TTC28: variants seen among roughly 807,000 people sequenced by gnomAD.
The protein encoded by TTC28 is tetratricopeptide repeat domain 28.
TTC28 carries 61 observed loss-of-function variants against 198.0 expected under a neutral mutation model. That is an observed-to-expected ratio of 0.31 (90% CI 0.25 to 0.38). TTC28 has a LOEUF of 0.38. Among genes scored for constraint, TTC28 ranks in the 10% least tolerant of loss-of-function variants. The probability of loss-of-function intolerance (pLI) is 1.00; values close to 1 mark genes in which losing one functional copy is unlikely to be tolerated. For synonymous variants in TTC28, 1,171 were observed against 1,297.8 expected (o/e 0.90, Z 2.10); for missense variants, 2,678 against 3,164.0 (o/e 0.85, Z 3.69).
intron 2 of TTC28, among the ~76,000 whole-genome samples, chr22:28,396,142 A>G (rs1484466901): frequency 6.6e-6 from 1 of 152,240 alleles, no homozygotes; most frequent in East Asian, 1.9e-4. Context: ...AGTCTAAAAG[A>G]AAAACTTGAC....
chr22:28,519,931 C>T (rs2048867847), intron 2 of TTC28, among the ~76,000 whole-genome samples: 1 of 152,150 alleles, frequency 6.6e-6, no homozygotes, highest in African/African-American at 2.4e-5. Context: ...AAACACAACA[C>T]AATTTGTGAG....
At chr22:28,008,684 T>C (rs1938020151) in intron 14 of TTC28, 1 of 152,174 alleles carries the variant, frequency 6.6e-6, no homozygotes, top group Non-Finnish European at 1.5e-5. Context: ...AAACGTAAGG[T>C]ATTCCTTAAA....
chr22:27,993,054 G>A, intron 18 of TTC28: 1 of 580,778 alleles, frequency 1.7e-6, no homozygotes, highest in Non-Finnish European at 3.0e-6. Flanking sequence ...GGAAGGGGCA[G>A]CGCCAGTGGG....
intron 2 of TTC28, among the ~76,000 whole-genome samples, chr22:28,337,357 C>T (rs934819531): frequency 3.0e-4 from 46 of 152,096 alleles, no homozygotes; most frequent in African/African-American, 6.3e-4. Flanking sequence ...CTATTAGGTC[C>T]GCTTGGTGTA....
chr22:28,428,114 G>T (rs1278428908), intron 2 of TTC28, among the ~76,000 whole-genome samples: 1 of 147,272 alleles, frequency 6.8e-6, no homozygotes, highest in Non-Finnish European at 1.5e-5. Flanking sequence ...AAAGAACATC[G>T]TACCGTAAGA....
At chr22:28,092,433 G>A (rs988436461) in intron 12 of TTC28, among the ~76,000 whole-genome samples, 5 of 152,178 alleles carry the variant, frequency 3.3e-5, no homozygotes, top group Admixed American at 2.0e-4. Context: ...CTTGGCGACT[G>A]CATGCCCACC....
At chr22:28,674,151 G>C (rs1022496556) in intron 1 of TTC28, among the ~76,000 whole-genome samples, 1 of 151,976 alleles carries the variant, frequency 6.6e-6, no homozygotes, top group African/African-American at 2.4e-5. Flanking sequence ...TGTGGTATGA[G>C]AGACTTGTCT....
Position 27,981,159 on chromosome 22 carries a change from A to G in TTC28, c.*1062T>C, listed in dbSNP as rs959632548. On this transcript the variant is annotated 3_prime_UTR_variant, in exon 23 of 23. Coordinates refer to ENST00000397906, the MANE Select transcript of TTC28 (RefSeq NM_001145418.2). ...CCTGGAGTTGGGAAAAGGGAATAAA[A>G]TTCAGCAGCTAATAAAAGGGAACAG... is the stretch of plus-strand genomic sequence containing the variant. The G allele has an allele frequency of 2.0e-5, 3 of 150,028 alleles. No individual in the cohort carries two copies. The highest frequency in any genetic ancestry group is 2.0e-4 in the East Asian group (1 of 5,076). 9.3% of individuals were successfully genotyped at this position (150,028 alleles called of 1,614,324 possible). A position where few individuals can be genotyped will look rare whatever the true frequency, so the allele number is the denominator to read the frequency against.
chr22:28,293,676 C>A (rs1249604539), intron 5 of TTC28, among the ~76,000 whole-genome samples: 1 of 152,036 alleles, frequency 6.6e-6, no homozygotes, highest in Non-Finnish European at 1.5e-5. Flanking sequence ...TACTATGTAT[C>A]AGATACACGA....
intron 2 of TTC28, among the ~76,000 whole-genome samples, chr22:28,499,782 T>C (rs1448568730): frequency 6.6e-6 from 1 of 152,174 alleles, no homozygotes; most frequent in Non-Finnish European, 1.5e-5. Context: ...ATTTTTAATC[T>C]TTTTAATATT....
chr22:28,513,810 T>C (rs1458163989), intron 2 of TTC28, among the ~76,000 whole-genome samples: 1 of 152,086 alleles, frequency 6.6e-6, no homozygotes, highest in Non-Finnish European at 1.5e-5. Context: ...TATATGTGTA[T>C]ATGTATATTA....
chr22:28,524,481 T>C (rs1164934939), intron 2 of TTC28, among the ~76,000 whole-genome samples: 3 of 147,754 alleles, frequency 2.0e-5, no homozygotes, highest in Non-Finnish European at 4.5e-5. Flanking sequence ...AAAAAAAATA[T>C]TCAACGGTAT....
chr22:28,105,193 G>T, intron 8 of TTC28, 86 bp downstream of exon 8: 1 of 1,415,930 alleles, frequency 7.1e-7, no homozygotes, highest in Non-Finnish European at 9.6e-7. Context: ...CATTCAAACT[G>T]TGCATACTTC....
At chr22:28,279,556 G>A (rs1318383636) in intron 5 of TTC28, among the ~76,000 whole-genome samples, 2 of 152,238 alleles carry the variant, frequency 1.3e-5, no homozygotes, top group East Asian at 3.9e-4. Flanking sequence ...ATTTTTAGTA[G>A]AGACAGGGTT....
At chr22:28,390,840 T>C (rs2046706114) in intron 2 of TTC28, among the ~76,000 whole-genome samples, 1 of 152,212 alleles carries the variant, frequency 6.6e-6, no homozygotes, top group Admixed American at 6.5e-5. Flanking sequence ...TTAGTCCATT[T>C]ACATTTAAAG....
intron 2 of TTC28, among the ~76,000 whole-genome samples, chr22:28,459,024 T>C (rs2047908062): frequency 6.6e-6 from 1 of 151,338 alleles, no homozygotes; most frequent in Non-Finnish European, 1.5e-5. Context: ...GCTGCAGGGG[T>C]GGGTGTGTGG....
At chr22:28,327,047 G>A (rs111539544) in intron 2 of TTC28, among the ~76,000 whole-genome samples, 1,575 of 145,144 alleles carry the variant, frequency 0.011, 34 homozygotes, top group East Asian at 0.086. Context: ...AAAATAATAC[G>A]TAAAAATGAA....
intron 2 of TTC28, among the ~76,000 whole-genome samples, chr22:28,408,757 C>T (rs188622468): frequency 1.3e-5 from 2 of 152,278 alleles, no homozygotes; most frequent in East Asian, 3.9e-4. Context: ...TGACTACAGG[C>T]CACCAACATG....
intron 5 of TTC28, among the ~76,000 whole-genome samples, chr22:28,257,739 C>CATATATATATATATATATATAT (rs66590909): frequency 6.2e-5 from 6 of 96,562 alleles, no homozygotes; most frequent in Admixed American, 2.3e-4. Context: ...GGTAATAGAA[C>CATATATATATATATATATATAT]ATATATATAT....
Sources: gnomAD v4.1 joint callset for allele counts (sites outside exome capture counted in the v4.1 genomes callset) on GRCh38, gnomAD v4.1.1 for gene constraint, MANE v1.5 for transcripts, NCBI Gene and HGNC (gene_info 2026-07-23, HGNC 2026-07-21) for gene names.